CACNA1C: variants seen among roughly 807,000 people sequenced by gnomAD.
The protein encoded by CACNA1C is calcium voltage-gated channel subunit alpha1 C, also known as voltage-dependent L-type calcium channel subunit alpha-1C.
A neutral mutation model predicts 229.0 loss-of-function variants in CACNA1C; 30 were observed. The observed-to-expected ratio is 0.13, with a 90% CI of 0.10 to 0.18. The LOEUF is 0.18. CACNA1C is among the 10% of genes least tolerant of loss of function. The pLI is 1.00. For synonymous variants in CACNA1C, 1,114 were observed against 1,132.5 expected (o/e 0.98, Z 0.33); for missense variants, 1,658 against 2,845.0 (o/e 0.58, Z 9.49).
At chr12:2,209,226 A>G (rs1298407551) in intron 3 of CACNA1C, among the ~76,000 whole-genome samples, 1 of 152,214 alleles carries the variant, frequency 6.6e-6, no homozygotes, top group East Asian at 1.9e-4. Flanking sequence ...ATTTGTTTTT[A>G]TAAAAACAAT....
chr12:2,637,283 T>G (rs2092882672), intron 30 of CACNA1C, among the ~76,000 whole-genome samples: 1 of 152,232 alleles, frequency 6.6e-6, no homozygotes, highest in African/African-American at 2.4e-5. Context: ...TATAAACTGG[T>G]AAAGCACTGT....
intron 1 of CACNA1C, among the ~76,000 whole-genome samples, chr12:2,086,082 A>T (rs1282951451): frequency 1.3e-5 from 2 of 151,978 alleles, no homozygotes; most frequent in African/African-American, 4.8e-5. Flanking sequence ...CCACTGCAGC[A>T]CTCTAAGTGT....
intron 3 of CACNA1C, among the ~76,000 whole-genome samples, chr12:2,443,080 T>G (rs1389791124): frequency 6.6e-6 from 1 of 152,184 alleles, no homozygotes; most frequent in Non-Finnish European, 1.5e-5. Context: ...TCATTCAGCA[T>G]TAACTCAAAA....
intron 3 of CACNA1C, among the ~76,000 whole-genome samples, chr12:2,298,035 C>A (rs898984463): frequency 6.6e-6 from 1 of 152,260 alleles, no homozygotes; most frequent in South Asian, 2.1e-4. Flanking sequence ...CTAAAGGAGA[C>A]GACATCACAG....
Position 2,038,904 on chromosome 12 carries a change from A to T in CACNA1C, c.139+67703A>T, listed in dbSNP as rs956880855. ...ATGTTGACAGGTGAAATCCCTTAACATAAATTTTGTCAAAAAAAAAAGCCT... is the reference window on the plus strand; with the variant it reads ...ATGTTGACAGGTGAAATCCCTTAACTTAAATTTTGTCAAAAAAAAAAGCCT... On this transcript the variant is annotated intron_variant, in intron 1 of 46. Transcript: ENST00000682462. 5.3e-5 allele frequency among the ~76,000 whole-genome samples: 8 copies of T among 151,698 alleles called. 1 individual carries two copies. Among genetic ancestry groups the T allele is most frequent in the Admixed American group, 5.3e-4 (8 of 15,214 alleles).
At chr12:2,485,563 T>TA (rs1349331507) in intron 5 of CACNA1C, among the ~76,000 whole-genome samples, 2 of 152,178 alleles carry the variant, frequency 1.3e-5, no homozygotes. Flanking sequence ...TTTCTTGTGG[T>TA]AATAAGAACA....
At chr12:2,111,529 G>T (rs1487982115) in intron 1 of CACNA1C, among the ~76,000 whole-genome samples, 3 of 150,886 alleles carry the variant, frequency 2.0e-5, no homozygotes, top group African/African-American at 7.3e-5. Context: ...ATGCAGGGGG[G>T]TGAGTACAAA....
chr12:2,135,725 A>T lies in CACNA1C; in HGVS notation c.477+15295A>T, dbSNP rs1467145552. Among the ~76,000 whole-genome samples the T allele has an allele frequency of 3.5e-3, 489 of 141,452 alleles. 4 individuals carry two copies. The highest frequency in any genetic ancestry group is 0.011 in the Middle Eastern group (3 of 284). The allele number at this position is 141,452 out of a possible 152,430, so 92.8% of individuals were successfully genotyped here. ...CTCTCTTCAAAGCTGTCAGACAGGGACATTTAAGTCTGCAGAAGTTACTGC... is the reference window on the plus strand; with the variant it reads ...CTCTCTTCAAAGCTGTCAGACAGGGTCATTTAAGTCTGCAGAAGTTACTGC... On this transcript the variant is annotated intron_variant, in intron 3 of 46. Transcript: ENST00000399655.
At chr12:2,672,636 G>A (rs1033534395) in intron 38 of CACNA1C, among the ~76,000 whole-genome samples, 1 of 152,136 alleles carries the variant, frequency 6.6e-6, no homozygotes, top group African/African-American at 2.4e-5. Flanking sequence ...AGCCTCCAGG[G>A]TCTTGTGTCC....
At chr12:2,132,566 G>C (rs1418844097) in intron 3 of CACNA1C, among the ~76,000 whole-genome samples, 31 of 35,780 alleles carry the variant, frequency 8.7e-4, no homozygotes, top group African/African-American at 1.4e-3. Flanking sequence ...AGATAATCAT[G>C]TGGTTTTTGT....
At chr12:2,541,119 C>A (rs943412948) in intron 9 of CACNA1C, among the ~76,000 whole-genome samples, 16 of 152,164 alleles carry the variant, frequency 1.1e-4, no homozygotes, top group African/African-American at 3.6e-4. Context: ...ATTCAGCCCA[C>A]CCTCATGACC....
At chr12:2,033,435 C>T (rs1056356946) in intron 1 of CACNA1C, among the ~76,000 whole-genome samples, 12 of 152,152 alleles carry the variant, frequency 7.9e-5, no homozygotes, top group African/African-American at 7.2e-5. Context: ...GCTATGTTTA[C>T]ATCTTCAAAA....
At chr12:2,130,193 C>CTTTT (rs35630466) in intron 3 of CACNA1C, among the ~76,000 whole-genome samples, 18 of 114,120 alleles carry the variant, frequency 1.6e-4, no homozygotes, top group East Asian at 2.6e-4. Flanking sequence ...TGAGACCTTT[C>CTTTT]TTTTTTTTTT....
rs761586376 is a variant in CACNA1C at position 2,567,668 on chromosome 12, G to A, written c.1769G>A (p.Arg590His). ...GCCTACTTCGTGTCCCTCTTCAACC[G>A]CTTTGACTGCTTCGTCGTGTGTGGC... ...LQAYFVSLFN[R>H]FDCFVVCGGI... Residue 590 changes from arginine (R) to histidine (H), a missense_variant, in exon 13 of 47, where the codon CGC (arginine) becomes CAC (histidine). Arg to His is a conservative substitution (Grantham distance 29, BLOSUM62 0). Transcript: ENST00000399655. 3.1e-6 allele frequency: 5 copies of A among 1,613,446 alleles called. No homozygotes were observed. The highest frequency in any genetic ancestry group is 2.2e-5 in the South Asian group (2 of 90,892).
chr12:2,415,780 C>T (rs1025997287), intron 3 of CACNA1C, among the ~76,000 whole-genome samples: 1 of 152,130 alleles, frequency 6.6e-6, no homozygotes. Context: ...ATGGTGGCCT[C>T]GTCCCCCAGC....
chr12:2,598,878 C>T (rs770184287), intron 21 of CACNA1C, among the ~76,000 whole-genome samples: 2 of 152,220 alleles, frequency 1.3e-5, no homozygotes, highest in Non-Finnish European at 2.9e-5. Flanking sequence ...TTCTTTTCTG[C>T]TCGTGGAGAG....
At chr12:2,394,534 G>T (rs2098539465) in intron 3 of CACNA1C, among the ~76,000 whole-genome samples, 1 of 152,118 alleles carries the variant, frequency 6.6e-6, no homozygotes, top group African/African-American at 2.4e-5. Context: ...TAGTGGAAAC[G>T]ATGTCATCGC....
rs117878044 is a variant in CACNA1C at position 2,466,554 on chromosome 12, C to T, written c.757+8848C>T. On this transcript the variant is annotated intron_variant, in intron 5 of 46. Transcript: ENST00000399655. ...GCTCAAACCACAGTGCTTCACTCCC[C>T]ATCCCTTGCTTTTTCCACTGCCTGT... is the stretch of plus-strand genomic sequence containing the variant. 4.1e-3 allele frequency among the ~76,000 whole-genome samples: 625 copies of T among 152,334 alleles called. 3 individuals carry two copies. Among genetic ancestry groups the T allele is most frequent in the Middle Eastern group, 0.01 (3 of 294 alleles).
chr12:2,033,368 C>T (rs1279162703), intron 1 of CACNA1C, among the ~76,000 whole-genome samples: 1 of 152,218 alleles, frequency 6.6e-6, no homozygotes, highest in Non-Finnish European at 1.5e-5. Context: ...GGGGGCAGCT[C>T]TGGCATCCGA....
Sources: gnomAD v4.1 joint callset for allele counts (sites outside exome capture counted in the v4.1 genomes callset) on GRCh38, gnomAD v4.1.1 for gene constraint, MANE v1.5 for transcripts, NCBI Gene and HGNC (gene_info 2026-07-23, HGNC 2026-07-21) for gene names.